The following EPB41L4A variants were observed in gnomAD, a reference collection of about 807,000 sequenced individuals.
EPB41L4A encodes the protein band 4.1-like protein 4A.
EPB41L4A carries 100 observed loss-of-function variants against 108.6 expected under a neutral mutation model. The observed-to-expected ratio is 0.92, with a 90% CI of 0.78 to 1.09. The LOEUF is 1.09. Among genes scored for constraint, EPB41L4A ranks in the 50% least tolerant of loss-of-function variants. EPB41L4A has a pLI of 0.00. For synonymous variants in EPB41L4A, 319 were observed against 289.0 expected (o/e 1.10, Z -1.05); for missense variants, 1,030 against 842.7 (o/e 1.22, Z -2.75).
chr5:112,419,884 G>A (rs769034225), upstream of EPB41L4A: 2 of 456,760 alleles, frequency 4.4e-6, no homozygotes, highest in South Asian at 1.5e-5. Context: ...CTGCCGCGGC[G>A]GCGGAATACG....
chr5:112,364,753 G>A (rs1759018532), intron 1 of EPB41L4A, among the ~76,000 whole-genome samples: 2 of 152,246 alleles, frequency 1.3e-5, no homozygotes, highest in South Asian at 4.1e-4. Flanking sequence ...ACTAAGTACT[G>A]CAAATAAGTT....
At chr5:112,167,166 C>A (rs1760303497) in intron 22 of EPB41L4A, among the ~76,000 whole-genome samples, 1 of 138,450 alleles carries the variant, frequency 7.2e-6, no homozygotes, top group East Asian at 2.3e-4. Context: ...GCTTATTAAT[C>A]ATCACAATAA....
intron 18 of EPB41L4A, among the ~76,000 whole-genome samples, chr5:112,176,257 C>T (rs1282103108): frequency 6.6e-6 from 1 of 152,112 alleles, no homozygotes; most frequent in Admixed American, 6.6e-5. Flanking sequence ...AACAACAGCA[C>T]CCAGCAGGTA....
chr5:112,419,663 C>A (rs536276674), upstream of EPB41L4A: 1 of 456,440 alleles, frequency 2.2e-6, no homozygotes. Context: ...GGCGCAGGGG[C>A]AGAGGCGAAG....
chr5:112,393,445 A>C (rs1219886985), intron 1 of EPB41L4A, among the ~76,000 whole-genome samples: 3 of 152,238 alleles, frequency 2.0e-5, no homozygotes, highest in African/African-American at 7.2e-5. Flanking sequence ...AACTACCATC[A>C]AAGAATACTA....
chr5:112,202,868 A>G (rs911456990), intron 15 of EPB41L4A, among the ~76,000 whole-genome samples: 1 of 152,136 alleles, frequency 6.6e-6, no homozygotes, highest in African/African-American at 2.4e-5. Flanking sequence ...AAGAGTCTTG[A>G]TGGTTACCTG....
intron 1 of EPB41L4A, among the ~76,000 whole-genome samples, chr5:112,327,730 A>G (rs1291567374): frequency 6.6e-6 from 1 of 152,142 alleles, no homozygotes; most frequent in African/African-American, 2.4e-5. Flanking sequence ...AAAAAAAAGA[A>G]AAGAATTATA....
chr5:112,283,219 C>T (rs1046235158), intron 2 of EPB41L4A, among the ~76,000 whole-genome samples: 2 of 152,198 alleles, frequency 1.3e-5, no homozygotes, highest in African/African-American at 4.8e-5. Flanking sequence ...TGCACATTTG[C>T]TATGCTAAGC....
intron 1 of EPB41L4A, among the ~76,000 whole-genome samples, chr5:112,403,428 G>A (rs151269298): frequency 4.6e-5 from 7 of 151,192 alleles, no homozygotes; most frequent in Admixed American, 4.0e-4. Context: ...CAGAAGAACT[G>A]TAAGTCTCCT....
intron 11 of EPB41L4A, among the ~76,000 whole-genome samples, chr5:112,238,194 T>C (rs2150375454): frequency 6.6e-6 from 1 of 152,270 alleles, no homozygotes; most frequent in Non-Finnish European, 1.5e-5. Flanking sequence ...CCTGGTGATG[T>C]TTTATGCCAC....
intron 1 of EPB41L4A, among the ~76,000 whole-genome samples, chr5:112,348,423 G>A (rs887242064): frequency 7.2e-5 from 11 of 152,078 alleles, no homozygotes; most frequent in African/African-American, 1.7e-4. Flanking sequence ...AAATAATAAC[G>A]TAGCCAAAAC....
At chr5:112,376,349 T>C (rs1435460721) in intron 1 of EPB41L4A, among the ~76,000 whole-genome samples, 2 of 152,138 alleles carry the variant, frequency 1.3e-5, no homozygotes. Flanking sequence ...TCTAACAGGA[T>C]GGCTAAAAAT....
intron 1 of EPB41L4A, among the ~76,000 whole-genome samples, chr5:112,379,184 C>G (rs912063349): frequency 1.3e-5 from 2 of 152,134 alleles, no homozygotes; most frequent in African/African-American, 4.8e-5. Context: ...GGCAGAAAAG[C>G]ATATACATGT....
chr5:112,269,202 C>A (rs1314518719), intron 4 of EPB41L4A, among the ~76,000 whole-genome samples: 1 of 151,886 alleles, frequency 6.6e-6, no homozygotes, highest in African/African-American at 2.4e-5. Flanking sequence ...AAAAAAATAT[C>A]TACTCAAACT....
intron 2 of EPB41L4A, among the ~76,000 whole-genome samples, chr5:112,298,134 T>C (rs1754126870): frequency 6.6e-6 from 1 of 152,326 alleles, no homozygotes; most frequent in Middle Eastern, 3.4e-3. Flanking sequence ...CCATATGAAC[T>C]GTAGGATTGT....
intron 18 of EPB41L4A, chr5:112,175,477 T>C (rs982900163): frequency 6.6e-6 from 1 of 152,230 alleles, no homozygotes; most frequent in African/African-American, 2.4e-5. Context: ...TATTTAATAA[T>C]GAATTGATTT....
At chr5:112,271,735 A>G (rs1157825240) in intron 4 of EPB41L4A, among the ~76,000 whole-genome samples, 3 of 152,248 alleles carry the variant, frequency 2.0e-5, no homozygotes, top group Non-Finnish European at 4.4e-5. Flanking sequence ...AATTATCTAC[A>G]GTACTAATAA....
chr5:112,266,327 A>C lies in EPB41L4A; in HGVS notation c.339T>G (p.Tyr113Ter). 6.3e-7 allele frequency: 1 copy of C among 1,593,420 alleles called. No individual in the cohort carries two copies. Among genetic ancestry groups the C allele is most frequent in the Non-Finnish European group, 8.6e-7 (1 of 1,169,276 alleles). The change falls in exon 5 of 23, where the codon TAT becomes TAG. Residue 113 changes from tyrosine (Y) to a stop codon, truncating the protein, a stop_gained. Transcript: ENST00000261486. LOFTEE classifies it high-confidence loss of function. ...CTTGCTTCACCTGCAAGAAAAACTGATATCTAAAAGAGAAACAAAAAGAGA... is the reference window on the plus strand; with the variant it reads ...CTTGCTTCACCTGCAAGAAAAACTGCTATCTAAAAGAGAAACAAAAAGAGA... ...PCKLKEEITRYQFFLQVKQDV... is the reference protein window; with the variant it reads ...PCKLKEEITR
intron 1 of EPB41L4A, among the ~76,000 whole-genome samples, chr5:112,326,690 C>T (rs568478720): frequency 6.6e-6 from 1 of 152,264 alleles, no homozygotes; most frequent in East Asian, 1.9e-4. Context: ...TGCAAAATGC[C>T]AGTACTCTCC....
Sources: allele counts gnomAD v4.1 joint callset (sites outside exome capture counted in the v4.1 genomes callset), GRCh38; gene constraint gnomAD v4.1.1; transcripts MANE v1.5; gene names NCBI Gene and HGNC (gene_info 2026-07-23, HGNC 2026-07-21).